The following PTK2 variants were observed in gnomAD, a reference collection of about 807,000 sequenced individuals.
The protein encoded by PTK2 is protein tyrosine kinase 2.
Under a neutral mutation model 150.1 loss-of-function variants are expected in PTK2, and 45 were observed. The observed-to-expected ratio is 0.30, with a 90% CI of 0.24 to 0.38. The LOEUF is 0.38. PTK2 is among the 10% of genes least tolerant of loss of function. The pLI, the probability that PTK2 is intolerant of heterozygous loss-of-function variation, is 1.00. For synonymous variants in PTK2, 432 were observed against 449.2 expected, an observed-to-expected ratio of 0.96 and a Z score of 0.48; for missense variants, 919 against 1,307.3, an observed-to-expected ratio of 0.70 and a Z score of 4.58.
intron 11 of PTK2, among the ~76,000 whole-genome samples, chr8:140,803,137 C>A (rs528410915): frequency 2.7e-5 from 4 of 150,366 alleles, no homozygotes; most frequent in Admixed American, 1.3e-4. Flanking sequence ...GCCTCAGCCT[C>A]GCAAGTAGCT....
At chr8:140,908,922 T>C (rs2100162025) in intron 2 of PTK2, among the ~76,000 whole-genome samples, 1 of 152,150 alleles carries the variant, frequency 6.6e-6, no homozygotes, top group South Asian at 2.1e-4. Flanking sequence ...CATAATAAAA[T>C]ACATGAAACT....
chr8:140,851,093 G>C (rs1461408004), intron 5 of PTK2, among the ~76,000 whole-genome samples: 1 of 152,204 alleles, frequency 6.6e-6, no homozygotes, highest in African/African-American at 2.4e-5. Flanking sequence ...TTACTTACTA[G>C]CTGGGTGACC....
At chr8:140,832,302 G>A (rs891289822) in intron 7 of PTK2, among the ~76,000 whole-genome samples, 3 of 152,094 alleles carry the variant, frequency 2.0e-5, no homozygotes, top group Admixed American at 1.3e-4. Context: ...TGATCTGCCC[G>A]CTTCAGCCTC....
intron 27 of PTK2, among the ~76,000 whole-genome samples, chr8:140,686,226 CG>C (rs2100019717): frequency 6.6e-6 from 1 of 151,996 alleles, no homozygotes; most frequent in African/African-American, 2.4e-5. Flanking sequence ...CAACAGACTC[CG>C]GGGCCCACTT....
chr8:140,744,941 C>A (rs1470820687), intron 18 of PTK2, 174 bp from the exon 22 acceptor site: 11 of 410,710 alleles, frequency 2.7e-5, no homozygotes, highest in Non-Finnish European at 4.3e-6. Context: ...AACATTTAAA[C>A]TCTGGATTCA....
chr8:140,973,026 C>A (rs2100187912), intron 1 of PTK2, among the ~76,000 whole-genome samples: 1 of 152,246 alleles, frequency 6.6e-6, no homozygotes, highest in African/African-American at 2.4e-5. Context: ...GACATCCTCA[C>A]CTGTGTGTAG....
At chr8:140,830,831 G>A (rs769387888) in intron 7 of PTK2, among the ~76,000 whole-genome samples, 3 of 152,006 alleles carry the variant, frequency 2.0e-5, no homozygotes, top group Admixed American at 6.6e-5. Context: ...AAATTATAGT[G>A]TATTAAAAAC....
rs114832273 is a variant in PTK2 at position 140,676,249 on chromosome 8, G to A, written c.2563-750C>T. Among the ~76,000 whole-genome samples the A allele has an allele frequency of 8.0e-3, 1,214 of 152,164 alleles. 19 individuals carry two copies. Among genetic ancestry groups the A allele is most frequent in the African/African-American group, 0.027 (1,124 of 41,520 alleles). On this transcript the variant is annotated intron_variant, in intron 27 of 31. Coordinates refer to ENST00000522684, the Ensembl canonical transcript of PTK2. ...AAATTAGCTGGGCGTGGTGGTACGT[G>A]GGTGTAATCCCAGTTACCTGGGAGG...
exon 32 of PTK2, chr8:140,659,339 T>C (rs1273112083): frequency 1.0e-5 from 7 of 686,048 alleles, no homozygotes; most frequent in East Asian, 8.8e-5. Context: ...TTCAACCAGA[T>C]GGTCATTCAA....
At chr8:140,860,226 C>A (rs565112630) in intron 5 of PTK2, among the ~76,000 whole-genome samples, 12 of 152,270 alleles carry the variant, frequency 7.9e-5, no homozygotes, top group African/African-American at 2.9e-4. Flanking sequence ...CCTCTAATTT[C>A]TTTCTTGTTA....
chr8:140,687,672 T>C (rs2100020771), intron 26 of PTK2, among the ~76,000 whole-genome samples: 1 of 152,192 alleles, frequency 6.6e-6, no homozygotes, highest in Non-Finnish European at 1.5e-5. Context: ...TCCAGTGCTG[T>C]AGCCCAAACC....
At chr8:140,884,558 A>C (rs1192487552) in intron 3 of PTK2, among the ~76,000 whole-genome samples, 1 of 152,128 alleles carries the variant, frequency 6.6e-6, no homozygotes, top group Admixed American at 6.5e-5. Context: ...AACACACACA[A>C]AGTGTCCAGT....
intron 1 of PTK2, among the ~76,000 whole-genome samples, chr8:140,990,718 CTTCTT>C (rs1176788250): frequency 6.6e-6 from 1 of 152,144 alleles, no homozygotes; most frequent in East Asian, 1.9e-4. Context: ...TATCCCTACT[CTTCTT>C]CTCTATCTTG....
intron 1 of PTK2, among the ~76,000 whole-genome samples, chr8:140,954,033 TC>T (rs1055522941): frequency 5.3e-5 from 8 of 151,832 alleles, no homozygotes; most frequent in African/African-American, 1.9e-4. Flanking sequence ...AGTGGCACGA[TC>T]TCGGCTCACT....
At chr8:140,943,797 G>T (rs960691641) in intron 1 of PTK2, among the ~76,000 whole-genome samples, 1 of 152,076 alleles carries the variant, frequency 6.6e-6, no homozygotes, top group African/African-American at 2.4e-5. Flanking sequence ...ATGATATCTC[G>T]TGTGGTTGTA....
chr8:140,672,175 T>G (rs971410173), intron 29 of PTK2: 7 of 453,786 alleles, frequency 1.5e-5, no homozygotes, highest in Non-Finnish European at 3.1e-5. Context: ...AAATAAATAA[T>G]TCATTAATCT....
At chr8:140,833,151 C>T in intron 7 of PTK2, 1 of 461,414 alleles carries the variant, frequency 2.2e-6, no homozygotes, top group Non-Finnish European at 4.3e-6. Context: ...ATTGCTTTTA[C>T]TTCAAAGGTG....
intron 27 of PTK2, among the ~76,000 whole-genome samples, chr8:140,676,764 T>C (rs1357117687): frequency 5.5e-5 from 2 of 36,528 alleles, no homozygotes; most frequent in African/African-American, 1.4e-4. Context: ...CGTCTCTACT[T>C]TAAAAAAAAA....
chr8:140,916,968 A>G (rs1332108278), intron 2 of PTK2, among the ~76,000 whole-genome samples: 1 of 152,192 alleles, frequency 6.6e-6, no homozygotes, highest in Non-Finnish European at 1.5e-5. Context: ...AATAACATGT[A>G]TGTTTTTTGT....
Sources: gnomAD v4.1 joint callset for allele counts (sites outside exome capture counted in the v4.1 genomes callset) on GRCh38, gnomAD v4.1.1 for gene constraint, MANE v1.5 for transcripts, NCBI Gene and HGNC (gene_info 2026-07-23, HGNC 2026-07-21) for gene names.